OPRD1: variants seen among roughly 807,000 people sequenced by gnomAD.
OPRD1 encodes delta-type opioid receptor.
Under a neutral mutation model 17.5 loss-of-function variants are expected in OPRD1, and 19 were observed. The ratio of observed to expected loss-of-function variants is 1.09; its 90% confidence interval spans 0.76 to 1.60. The LOEUF (loss-of-function observed/expected upper bound fraction) is 1.60, where lower values mean the gene tolerates loss of function less well. OPRD1 is among the 40% of genes most tolerant of loss of function. The pLI is 0.00. For missense variants in OPRD1, 483 were observed against 547.2 expected (o/e 0.88, Z 1.17); for synonymous variants, 256 against 240.9 (o/e 1.06, Z -0.58).
At chr1:28,815,397 GC>G (rs1373241158) in intron 1 of OPRD1, among the ~76,000 whole-genome samples, 1 of 152,202 alleles carries the variant, frequency 6.6e-6, no homozygotes, top group Non-Finnish European at 1.5e-5. Flanking sequence ...GAGCCATGGT[GC>G]CCGGCTGTGT....
At chr1:28,848,419 CA>C (rs1266997688) in intron 1 of OPRD1, among the ~76,000 whole-genome samples, 2 of 152,196 alleles carry the variant, frequency 1.3e-5, no homozygotes, top group Non-Finnish European at 2.9e-5. Flanking sequence ...CTGTCACCCC[CA>C]CTAGGCAGTG....
intron 1 of OPRD1, among the ~76,000 whole-genome samples, chr1:28,834,034 C>T (rs1173658673): frequency 2.6e-5 from 4 of 152,096 alleles, no homozygotes; most frequent in Non-Finnish European, 5.9e-5. Flanking sequence ...GCCTCAGCCT[C>T]CAGAGTAGCT....
At chr1:28,848,576 A>G (rs1255493970) in intron 1 of OPRD1, among the ~76,000 whole-genome samples, 1 of 152,232 alleles carries the variant, frequency 6.6e-6, no homozygotes, top group Non-Finnish European at 1.5e-5. Context: ...CATTACTCCT[A>G]GATCACTTAT....
At chr1:28,820,927 T>C (rs1180435728) in intron 1 of OPRD1, among the ~76,000 whole-genome samples, 1 of 151,952 alleles carries the variant, frequency 6.6e-6, no homozygotes, top group Non-Finnish European at 1.5e-5. Flanking sequence ...AAAAAAAATT[T>C]TTTTTTCTTC....
rs769254676 is a variant in OPRD1, at chr1:28,863,009, T to C, written c.845T>C (p.Ile282Thr). Residue 282 changes from isoleucine to threonine, a missense_variant, in exon 3 of 3, where the codon ATC (isoleucine) becomes ACC (threonine). Ile to Thr is a moderately conservative substitution (Grantham distance 89). Coordinates refer to ENST00000234961, the MANE Select transcript of OPRD1 (RefSeq NM_000911.4). ...TGGGCGCCCATCCACATCTTCGTCATCGTCTGGACGCTGGTGGACATCGAC... is the reference window on the plus strand; with the variant it reads ...TGGGCGCCCATCCACATCTTCGTCACCGTCTGGACGCTGGTGGACATCGAC... ...VCWAPIHIFV[I>T]VWTLVDIDRR... 3.7e-6 allele frequency: 6 copies of C among 1,609,950 alleles called. No individual in the cohort carries two copies. Among genetic ancestry groups the C allele is most frequent in the Non-Finnish European group, 5.1e-6 (6 of 1,178,288 alleles).
At position 28,865,310 on chromosome 1, in the gene OPRD1, T is replaced by C. The variant is rs1431054161; in HGVS notation, c.*2027T>C. The C allele has an allele frequency of 6.6e-6, 1 of 152,190 alleles. No individual in the cohort carries two copies. The highest frequency in any genetic ancestry group is 1.5e-5 in the Non-Finnish European group (1 of 68,044). The allele number at this position is 152,190 out of a possible 1,614,324, so 9.4% of individuals were successfully genotyped here. On this transcript the variant is annotated 3_prime_UTR_variant, in exon 3 of 3. Transcript: ENST00000234961. ...AAAACAAATTTAATTTTCTTCCTTT[T>C]TTGGGACAGATGGAAAGAAATTGAC...
intron 1 of OPRD1, among the ~76,000 whole-genome samples, chr1:28,855,743 CTGCGTAA>C (rs1210640238): frequency 6.6e-6 from 1 of 152,228 alleles, no homozygotes; most frequent in East Asian, 1.9e-4. Flanking sequence ...TCTAATTGTT[CTGCGTAA>C]GAGCAGAGAA....
chr1:28,843,306 A>G (rs900050683), intron 1 of OPRD1, among the ~76,000 whole-genome samples: 6 of 152,290 alleles, frequency 3.9e-5, no homozygotes, highest in Middle Eastern at 3.4e-3. Flanking sequence ...ATACCATTGT[A>G]ACCATTTTTA....
chr1:28,824,542 T>A (rs143738074), intron 1 of OPRD1, among the ~76,000 whole-genome samples: 1,575 of 151,694 alleles, frequency 0.01, 26 homozygotes, highest in African/African-American at 0.036. Flanking sequence ...ATGGTCTTGA[T>A]CTCCTGACCT....
At chr1:28,820,194 T>A (rs1023431534) in intron 1 of OPRD1, among the ~76,000 whole-genome samples, 12 of 118,196 alleles carry the variant, frequency 1.0e-4, no homozygotes, top group Admixed American at 2.6e-4. Context: ...AGGAACTAGA[T>A]TTTTTTTTTT....
intron 1 of OPRD1, among the ~76,000 whole-genome samples, chr1:28,825,208 T>C (rs2088753871): frequency 6.6e-6 from 1 of 152,114 alleles, no homozygotes; most frequent in Non-Finnish European, 1.5e-5. Context: ...GATTTACAAA[T>C]GAGGAAACCG....
chr1:28,819,075 G>A (rs1020550993), intron 1 of OPRD1, among the ~76,000 whole-genome samples: 1 of 152,052 alleles, frequency 6.6e-6, no homozygotes, highest in African/African-American at 2.4e-5. Context: ...GGAGACTAGA[G>A]AGGGTGGCTC....
intron 1 of OPRD1, among the ~76,000 whole-genome samples, chr1:28,836,494 A>G (rs530156470): frequency 9.4e-5 from 13 of 137,892 alleles, no homozygotes; most frequent in Non-Finnish European, 2.0e-4. Context: ...TGGGCGACAG[A>G]GCGAGATTCC....
chr1:28,862,446 G>C (rs2089131784), intron 2 of OPRD1, among the ~76,000 whole-genome samples: 1 of 152,166 alleles, frequency 6.6e-6, no homozygotes, highest in Admixed American at 6.5e-5. Flanking sequence ...TCAGTGGGCT[G>C]AGCTAAACGA....
rs2147752704 is a variant in OPRD1 at position 28,863,283 on chromosome 1, A to G, written c.1119A>G (p.Ter373TrpextTer18). 3.5e-6 allele frequency: 5 copies of G among 1,431,426 alleles called. No individual in the cohort carries two copies. Among genetic ancestry groups the G allele is most frequent in the Non-Finnish European group, 3.6e-6 (4 of 1,103,880 alleles). The allele number at this position is 1,431,426 out of a possible 1,614,324, so 88.7% of individuals were successfully genotyped here. A position where few individuals can be genotyped will look rare whatever the true frequency, so the allele number is the denominator to read the frequency against. Reference sequence around the variant, plus strand: ...GTCCCGGCGGTGGCGCTGCCGCCTGACCAGGCCATCCGGCCCCCAGAGCGC... The same window carrying G: ...GTCCCGGCGGTGGCGCTGCCGCCTGGCCAGGCCATCCGGCCCCCAGAGCGC... ...SDGPGGGAAA[*>W] Residue 373 changes from the stop codon to tryptophan, a stop_lost, in exon 3 of 3, where the codon TGA becomes TGG. Coordinates refer to ENST00000234961, the MANE Select transcript of OPRD1 (RefSeq NM_000911.4).
intron 1 of OPRD1, among the ~76,000 whole-genome samples, chr1:28,835,788 G>C (rs960107940): frequency 2.0e-5 from 3 of 152,218 alleles, no homozygotes; most frequent in Admixed American, 6.5e-5. Context: ...GTGGTGGTTA[G>C]GAGTGTGGGT....
At chr1:28,846,454 G>C (rs1031309772) in intron 1 of OPRD1, among the ~76,000 whole-genome samples, 1 of 151,904 alleles carries the variant, frequency 6.6e-6, no homozygotes, top group Non-Finnish European at 1.5e-5. Context: ...GAGCAAACTC[G>C]GGCAGATCAC....
chr1:28,815,858 T>C (rs1275152045), intron 1 of OPRD1, among the ~76,000 whole-genome samples: 2 of 152,042 alleles, frequency 1.3e-5, no homozygotes, highest in Non-Finnish European at 2.9e-5. Flanking sequence ...TCAGAGACCC[T>C]TGGGGAAGGA....
chr1:28,822,368 C>G (rs540151147), intron 1 of OPRD1, among the ~76,000 whole-genome samples: 13 of 152,128 alleles, frequency 8.5e-5, no homozygotes, highest in Non-Finnish European at 1.9e-4. Context: ...TGGGAAACCA[C>G]TGGGTGGAGG....
Sources: gnomAD v4.1 joint callset for allele counts (sites outside exome capture counted in the v4.1 genomes callset) on GRCh38, gnomAD v4.1.1 for gene constraint, MANE v1.5 for transcripts, NCBI Gene and HGNC (gene_info 2026-07-23, HGNC 2026-07-21) for gene names.